The following FAM107A variants were observed in gnomAD, a reference collection of about 807,000 sequenced individuals.
The protein encoded by FAM107A is actin-associated protein FAM107A.
FAM107A carries 19 observed loss-of-function variants against 13.7 expected under a neutral mutation model. The ratio of observed to expected loss-of-function variants is 1.38; its 90% CI spans 0.97 to 2.03. The LOEUF (loss-of-function observed/expected upper bound fraction) is 2.03, where lower values mean the gene tolerates loss of function less well. Among genes scored for constraint, FAM107A ranks in the 30% most tolerant of loss-of-function variants. The pLI is 0.00. For synonymous variants in FAM107A, 82 were observed against 74.5 expected, an observed-to-expected ratio of 1.10 and a Z score of -0.52; for missense variants, 203 against 184.4, an observed-to-expected ratio of 1.10 and a Z score of -0.58.
intron 1 of FAM107A, among the ~76,000 whole-genome samples, chr3:58,614,059 C>G (rs535068096): frequency 6.6e-6 from 1 of 152,202 alleles, no homozygotes. Context: ...GCCGCTGAAA[C>G]TTTCCACTGA....
At chr3:58,615,818 C>T (rs769585573) in intron 1 of FAM107A, among the ~76,000 whole-genome samples, 1 of 149,600 alleles carries the variant, frequency 6.7e-6, no homozygotes, top group Non-Finnish European at 1.5e-5. Context: ...ATCACTTGAG[C>T]CCTAAAGGCA....
chr3:58,595,461 C>A (rs564300468), intron 1 of FAM107A, among the ~76,000 whole-genome samples: 10 of 152,274 alleles, frequency 6.6e-5, no homozygotes, highest in Non-Finnish European at 1.5e-5. Context: ...TGACAATACA[C>A]CCTCCCTGCC....
intron 1 of FAM107A, among the ~76,000 whole-genome samples, chr3:58,600,446 G>A (rs898203933): frequency 2.0e-5 from 3 of 152,218 alleles, no homozygotes; most frequent in Admixed American, 6.5e-5. Flanking sequence ...CAACAGCCCA[G>A]TGTGGCAGCT....
chr3:58,623,451 C>T (rs1177063227), intron 1 of FAM107A, among the ~76,000 whole-genome samples: 1 of 152,198 alleles, frequency 6.6e-6, no homozygotes, highest in African/African-American at 2.4e-5. Context: ...CCTGCAGCCT[C>T]TAGAGCAGCA....
At chr3:58,603,228 A>G (rs1030475630) in intron 1 of FAM107A, among the ~76,000 whole-genome samples, 1 of 152,192 alleles carries the variant, frequency 6.6e-6, no homozygotes, top group African/African-American at 2.4e-5. Flanking sequence ...TGTGCACATT[A>G]GAAGCTCCCT....
rs71625690 is a variant in FAM107A at position 58,565,435 on chromosome 3, ATTTTTTTTTTTTTTT to A, written c.*1138_*1152del. 6.1e-5 allele frequency: 5 copies of A among 82,362 alleles called. No homozygotes were observed. In the Admixed American group the frequency reaches 9.6e-4, roughly 16 times the overall value. The allele number at this position is 82,362 out of a possible 1,614,324, so 5.1% of individuals were successfully genotyped here. A position where few individuals can be genotyped will look rare whatever the true frequency, so the allele number is the denominator to read the frequency against. ...GACTAGGAAAAAGTAAAAAAAAAAA[ATTTTTTTTTTTTTTT>A]TTTTTTTTTTGGCTAGAATTGCATC... On this transcript the variant is annotated 3_prime_UTR_variant, in exon 4 of 4. Transcript: ENST00000360997.
intron 1 of FAM107A, among the ~76,000 whole-genome samples, chr3:58,618,119 C>T (rs1288329136): frequency 1.3e-5 from 2 of 152,156 alleles, no homozygotes; most frequent in African/African-American, 4.8e-5. Flanking sequence ...CAGGAAGTGC[C>T]CATTTTGCAG....
chr3:58,622,858 C>T (rs987355674), intron 1 of FAM107A, among the ~76,000 whole-genome samples: 45 of 152,202 alleles, frequency 3.0e-4, no homozygotes, highest in African/African-American at 1.0e-3. Flanking sequence ...GAGCCTCCCA[C>T]TCTGGGCACA....
chr3:58,603,337 G>A (rs1431530601), intron 1 of FAM107A, among the ~76,000 whole-genome samples: 1 of 152,190 alleles, frequency 6.6e-6, no homozygotes, highest in Non-Finnish European at 1.5e-5. Context: ...CATTGGCTGA[G>A]TCCTTCATGT....
intron 1 of FAM107A, among the ~76,000 whole-genome samples, chr3:58,620,946 C>A (rs1240818782): frequency 6.6e-6 from 1 of 152,106 alleles, no homozygotes; most frequent in Non-Finnish European, 1.5e-5. Context: ...CTAGTCCCCA[C>A]TCCTCCTCTA....
In FAM107A at chr3:58,626,867, C is replaced by T. The variant is rs945935506; in HGVS notation, c.-70+549G>A. The T allele has an allele frequency of 1.2e-5, 14 of 1,162,058 alleles. No individual in the cohort carries two copies. The African/African-American group carries it at 2.1e-4, about 18-fold the overall frequency. 72.0% of individuals were successfully genotyped at this position (1,162,058 alleles called of 1,614,324 possible). A position where few individuals can be genotyped will look rare whatever the true frequency, so the allele number is the denominator to read the frequency against. ...GTTCCAGGGGGAGGGCTGGTGGGCA[C>T]TGCCGGCTGAAGCTGCAGGGTAGGT... On this transcript the variant is annotated intron_variant, in intron 1 of 3. Coordinates refer to the FAM107A transcript ENST00000465970.
intron 1 of FAM107A, among the ~76,000 whole-genome samples, chr3:58,585,444 G>C (rs2065595124): frequency 6.6e-6 from 1 of 152,250 alleles, no homozygotes. Flanking sequence ...TTGGGACTTG[G>C]AGAACTGTGG....
chr3:58,604,015 G>A lies in FAM107A; in HGVS notation c.-69-14746C>T, dbSNP rs1353733373. Reference sequence around the variant, plus strand: ...AGGAAAGAGGTTGAGGCCGTGGGTGGAAGCCCTCCCAATAGCCCCTGCCCC... The same window carrying A: ...AGGAAAGAGGTTGAGGCCGTGGGTGAAAGCCCTCCCAATAGCCCCTGCCCC... On this transcript the variant is annotated intron_variant, in intron 1 of 3. Coordinates refer to the FAM107A transcript ENST00000465970. This position sits in a 1 kb window ranked among gnomAD's most constrained non-coding sequence, Gnocchi z 4.1. Among the ~76,000 whole-genome samples, 1 of 152,104 alleles carries A rather than the reference G, an allele frequency of 6.6e-6. No individual in the cohort carries two copies. Among genetic ancestry groups the A allele is most frequent in the Non-Finnish European group, 1.5e-5 (1 of 68,008 alleles).
chr3:58,570,338 ACT>A, intron 1 of FAM107A: 1 of 977,298 alleles, frequency 1.0e-6, no homozygotes, highest in East Asian at 1.1e-4. Flanking sequence ...TTATTGTCTA[ACT>A]CTATCCACAG....
chr3:58,577,930 A>G (rs1161542399), upstream of FAM107A, among the ~76,000 whole-genome samples: 1 of 152,212 alleles, frequency 6.6e-6, no homozygotes, highest in Non-Finnish European at 1.5e-5. This position sits in a 1 kb window ranked among gnomAD's most constrained non-coding sequence, Gnocchi z 4.9. Context: ...AACTTCACAG[A>G]GGAGCCAACG....
intron 1 of FAM107A, chr3:58,607,243 A>AG (rs1553630204): frequency 6.6e-6 from 1 of 152,258 alleles, no homozygotes; most frequent in Non-Finnish European, 1.5e-5. Context: ...GTGTTCCATG[A>AG]GGCTCCATTT....
upstream of FAM107A, among the ~76,000 whole-genome samples, chr3:58,580,510 G>T (rs2065523367): frequency 6.6e-6 from 1 of 151,090 alleles, no homozygotes; most frequent in Admixed American, 6.6e-5. Context: ...GACCTCCTGG[G>T]ATCAAGCGAG....
chr3:58,587,506 T>A (rs983997914), upstream of FAM107A, among the ~76,000 whole-genome samples: 2 of 130,836 alleles, frequency 1.5e-5, no homozygotes, highest in African/African-American at 5.9e-5. Flanking sequence ...TGTGTGTGTG[T>A]GTGTGTGTGT....
Position 58,564,867 on chromosome 3 carries a change from A to G in FAM107A, c.*1721T>C, listed in dbSNP as rs2063604277. On this transcript the variant is annotated 3_prime_UTR_variant, in exon 4 of 4. Transcript: ENST00000360997. The surrounding 1 kb of genome is among the most constrained non-coding windows in gnomAD (Gnocchi z 5.6). ...CTTGGAGCTTGACTTATACACACGC[A>G]CACAGGCGCAATATCTGCATTTACA... 6.6e-6 allele frequency: 1 copy of G among 152,254 alleles called. No homozygotes were observed. The highest frequency in any genetic ancestry group is 1.5e-5 in the Non-Finnish European group (1 of 68,070). 9.4% of individuals were successfully genotyped at this position (152,254 alleles called of 1,614,324 possible). A position where few individuals can be genotyped will look rare whatever the true frequency, so the allele number is the denominator to read the frequency against.
Sources: gnomAD v4.1 joint callset for allele counts (sites outside exome capture counted in the v4.1 genomes callset) on GRCh38, gnomAD v4.1.1 for gene constraint, Gnocchi (gnomAD v3.1) non-coding constraint, MANE v1.5 for transcripts, NCBI Gene and HGNC (gene_info 2026-07-23, HGNC 2026-07-21) for gene names.